RABGAP1L: variants seen among roughly 807,000 people sequenced by gnomAD.
The protein encoded by RABGAP1L is RAB GTPase activating protein 1 like, also known as rab GTPase-activating protein 1-like.
Under a neutral mutation model 137.7 loss-of-function variants are expected in RABGAP1L, and 63 were observed. That is an observed-to-expected ratio of 0.46 (90% CI 0.37 to 0.56). RABGAP1L has a LOEUF of 0.56. Among genes scored for constraint, RABGAP1L ranks in the 20% least tolerant of loss-of-function variants. RABGAP1L has a pLI of 0.00. For missense variants in RABGAP1L, 1,095 were observed against 1,244.0 expected (o/e 0.88, Z 1.80); for synonymous variants, 431 against 433.7 (o/e 0.99, Z 0.08).
rs1319151999 is a variant in RABGAP1L, at chr1:174,420,851, A to G, written c.1710+26706A>G. On this transcript the variant is annotated intron_variant, in intron 13 of 25. Transcript: ENST00000681986. ...CACCACGCCCGGCTAATTTTTTTGT[A>G]TTTTTAGTAGAGATGGGGTTTCACC... 3.3e-5 allele frequency among the ~76,000 whole-genome samples: 5 copies of G among 151,456 alleles called. No homozygotes were observed. In the East Asian group the frequency reaches 9.7e-4, roughly 29 times the overall value.
chr1:174,880,966 A>G (rs927394017), intron 19 of RABGAP1L, among the ~76,000 whole-genome samples: 40 of 152,290 alleles, frequency 2.6e-4, no homozygotes, highest in African/African-American at 8.7e-4. Context: ...AGAAACAAAT[A>G]CAGAGATGTG....
At position 174,172,176 on chromosome 1, in the gene RABGAP1L, T is replaced by TTGTGTGTG. The variant is rs34345014; in HGVS notation, c.-34+12553_-34+12560dup. On this transcript the variant is annotated intron_variant, in intron 1 of 25. Transcript: ENST00000681986. ...TTTTTTAAGGCTGAATAATATTCCC[T>TTGTGTGTG]TGTGTGTGTGTGTGTGTGTGTGTGT... Among the ~76,000 whole-genome samples the TTGTGTGTG allele has an allele frequency of 2.7e-3, 338 of 123,590 alleles. 3 individuals carry two copies. The highest frequency in any genetic ancestry group is 8.0e-3 in the African/African-American group (263 of 32,790). 81.1% of individuals were successfully genotyped at this position (123,590 alleles called of 152,430 possible).
intron 19 of RABGAP1L, among the ~76,000 whole-genome samples, chr1:174,885,336 A>T (rs1558189315): frequency 6.6e-6 from 1 of 152,218 alleles, no homozygotes; most frequent in African/African-American, 2.4e-5. Flanking sequence ...AAAGCACTGG[A>T]TACCTAGCAC....
intron 13 of RABGAP1L, among the ~76,000 whole-genome samples, chr1:174,502,321 A>G (rs1661352165): frequency 6.6e-6 from 1 of 151,490 alleles, no homozygotes; most frequent in Non-Finnish European, 1.5e-5. Flanking sequence ...AAGAATCCCA[A>G]AGAGCTGGCC....
chr1:174,767,349 T>C (rs1685753189), intron 18 of RABGAP1L, among the ~76,000 whole-genome samples: 1 of 152,176 alleles, frequency 6.6e-6, no homozygotes, highest in African/African-American at 2.4e-5. Flanking sequence ...TTTATTTAGG[T>C]CTTATTTAAT....
intron 1 of RABGAP1L, among the ~76,000 whole-genome samples, chr1:174,176,172 T>G (rs1571379208): frequency 6.6e-6 from 1 of 152,318 alleles, no homozygotes; most frequent in East Asian, 1.9e-4. Flanking sequence ...ATGTTGATAT[T>G]TTTCTTTCAT....
chr1:174,580,327 C>G (rs1668642826), intron 13 of RABGAP1L, among the ~76,000 whole-genome samples: 1 of 152,176 alleles, frequency 6.6e-6, no homozygotes, highest in Admixed American at 6.5e-5. Flanking sequence ...AAGACACATG[C>G]ACACATATGT....
intron 19 of RABGAP1L, among the ~76,000 whole-genome samples, chr1:174,848,512 T>C (rs1647471730): frequency 6.7e-6 from 1 of 149,458 alleles, no homozygotes; most frequent in African/African-American, 2.5e-5. Flanking sequence ...TTGCCCCTGC[T>C]GGGGGGTGCC....
chr1:174,519,131 T>C (rs1663131803), intron 13 of RABGAP1L, among the ~76,000 whole-genome samples: 1 of 151,352 alleles, frequency 6.6e-6, no homozygotes. Flanking sequence ...ACGTTATATA[T>C]AATATATATG....
At chr1:174,652,897 A>G (rs12565810) in intron 14 of RABGAP1L, among the ~76,000 whole-genome samples, 13,640 of 152,232 alleles carry the variant, frequency 0.09, 830 homozygotes, top group East Asian at 0.22. Flanking sequence ...GTGTGCCCAC[A>G]GCCTCCCCTT....
chr1:174,841,594 A>G (rs1274349550), intron 19 of RABGAP1L, among the ~76,000 whole-genome samples: 1 of 152,108 alleles, frequency 6.6e-6, no homozygotes, highest in African/African-American at 2.4e-5. Context: ...ACAAAAATTG[A>G]TCAGCTAAAT....
intron 14 of RABGAP1L, among the ~76,000 whole-genome samples, chr1:174,664,181 C>T (rs1676587396): frequency 6.6e-6 from 1 of 152,146 alleles, no homozygotes; most frequent in Non-Finnish European, 1.5e-5. Context: ...TCTATTATCC[C>T]CTAGGTGTAG....
intron 13 of RABGAP1L, among the ~76,000 whole-genome samples, chr1:174,564,248 A>G (rs976660463): frequency 6.6e-6 from 1 of 152,144 alleles, no homozygotes; most frequent in African/African-American, 2.4e-5. Context: ...GTAAATCTCA[A>G]GATAAAATTT....
intron 13 of RABGAP1L, among the ~76,000 whole-genome samples, chr1:174,470,183 T>C (rs1019019941): frequency 1.2e-4 from 18 of 152,192 alleles, no homozygotes; most frequent in Admixed American, 5.9e-4. Flanking sequence ...ATTCCATGTA[T>C]TGATCCATCT....
At chr1:174,355,164 G>A (rs922186733) in intron 11 of RABGAP1L, among the ~76,000 whole-genome samples, 1 of 152,136 alleles carries the variant, frequency 6.6e-6, no homozygotes, top group African/African-American at 2.4e-5. Flanking sequence ...ACATGCACAT[G>A]TATGTTTATT....
At chr1:174,764,584 G>A (rs1371885549) in intron 18 of RABGAP1L, among the ~76,000 whole-genome samples, 2 of 152,142 alleles carry the variant, frequency 1.3e-5, no homozygotes, top group African/African-American at 4.8e-5. Flanking sequence ...ACCCTCCTTA[G>A]CCAAAGGGTG....
At chr1:174,281,965 T>C (rs1173986205) in intron 10 of RABGAP1L, among the ~76,000 whole-genome samples, 1 of 152,250 alleles carries the variant, frequency 6.6e-6, no homozygotes, top group Non-Finnish European at 1.5e-5. Flanking sequence ...TTTCTTCATG[T>C]AACAATGCCT....
At chr1:174,931,982 CTTTTTTGGTTT>C (rs1360573102) in intron 19 of RABGAP1L, among the ~76,000 whole-genome samples, 1 of 91,922 alleles carries the variant, frequency 1.1e-5, no homozygotes, top group Non-Finnish European at 2.2e-5. Context: ...CTTTAGACTG[CTTTTTTGGTTT>C]TTTTTTTTTT....
chr1:174,910,353 C>T (rs1659856955), intron 19 of RABGAP1L, among the ~76,000 whole-genome samples: 1 of 152,078 alleles, frequency 6.6e-6, no homozygotes. Flanking sequence ...TAAAGCCCCT[C>T]ATCAAAATGG....
Sources: gnomAD v4.1 joint callset for allele counts (sites outside exome capture counted in the v4.1 genomes callset) on GRCh38, gnomAD v4.1.1 for gene constraint, MANE v1.5 for transcripts, NCBI Gene and HGNC (gene_info 2026-07-23, HGNC 2026-07-21) for gene names.